The following FYB1 variants were observed in gnomAD, a reference collection of about 807,000 sequenced individuals.
The protein encoded by FYB1 is FYN-binding protein 1.
A neutral mutation model predicts 94.1 loss-of-function variants in FYB1; 41 were observed. The observed-to-expected ratio is 0.44, with a 90% CI of 0.34 to 0.57. The LOEUF is 0.57. FYB1 is among the 20% of genes least tolerant of loss of function. The probability of loss-of-function intolerance (pLI) is 0.02; values close to 1 mark genes in which losing one functional copy is unlikely to be tolerated. For synonymous variants in FYB1, 367 were observed against 353.2 expected (o/e 1.04, Z -0.44); for missense variants, 1,050 against 976.8 (o/e 1.07, Z -1.00).
chr5:39,255,830 C>G (rs78232617), intron 1 of FYB1, among the ~76,000 whole-genome samples: 31 of 152,248 alleles, frequency 2.0e-4, no homozygotes, highest in South Asian at 1.7e-3. Context: ...CCAATCCAGT[C>G]TCAGTGTGGA....
chr5:39,232,872 C>T (rs1018316779), intron 1 of FYB1, among the ~76,000 whole-genome samples: 13 of 152,122 alleles, frequency 8.5e-5, no homozygotes, highest in Admixed American at 2.6e-4. Flanking sequence ...CCAATTTCAT[C>T]CATGTCCCTA....
chr5:39,214,026 C>T (rs368263215), intron 1 of FYB1, among the ~76,000 whole-genome samples: 60 of 152,184 alleles, frequency 3.9e-4, no homozygotes, highest in African/African-American at 5.8e-4. Context: ...TAACATCTTT[C>T]GTTAGTTCAA....
At chr5:39,217,530 G>A (rs770049714) in intron 1 of FYB1, among the ~76,000 whole-genome samples, 9 of 152,166 alleles carry the variant, frequency 5.9e-5, no homozygotes, top group Non-Finnish European at 5.9e-5. Context: ...CAGGTGCTGT[G>A]CTAGGAGCTT....
At chr5:39,141,414 C>T (rs1033455740) in intron 3 of FYB1, among the ~76,000 whole-genome samples, 2 of 152,098 alleles carry the variant, frequency 1.3e-5, no homozygotes, top group African/African-American at 2.4e-5. Flanking sequence ...ATATGTTTCC[C>T]ATTATATTAG....
intron 2 of FYB1, among the ~76,000 whole-genome samples, chr5:39,157,922 C>T (rs1428044678): frequency 1.3e-5 from 2 of 152,126 alleles, no homozygotes; most frequent in African/African-American, 2.4e-5. Flanking sequence ...CACTGTTGTC[C>T]TGAGACAGAC....
intron 1 of FYB1, among the ~76,000 whole-genome samples, chr5:39,244,915 A>G (rs989863873): frequency 6.6e-5 from 10 of 152,116 alleles, no homozygotes; most frequent in Admixed American, 4.6e-4. Flanking sequence ...TAGGTTTTCT[A>G]GTTTATTTGC....
intron 14 of FYB1, 84 bp downstream of exon 14, chr5:39,122,252 A>T: frequency 3.5e-6 from 3 of 855,178 alleles, no homozygotes; most frequent in Non-Finnish European, 5.8e-6. Context: ...GTAGACACAC[A>T]TCCCACTGGG....
intron 3 of FYB1, among the ~76,000 whole-genome samples, chr5:39,152,263 C>T (rs1175317864): frequency 6.6e-6 from 1 of 152,140 alleles, no homozygotes; most frequent in East Asian, 1.9e-4. Context: ...TATCCTTAAA[C>T]CCCCAAGAAA....
At position 39,119,528 on chromosome 5, in the gene FYB1, G is replaced by A. The variant is rs1202593448; in HGVS notation, c.2238+7C>T. The A allele has an allele frequency of 1.3e-6, 2 of 1,516,184 alleles. No homozygotes were observed. The highest frequency in any genetic ancestry group is 5.0e-5 in the East Asian group (2 of 40,328). 93.9% of individuals were successfully genotyped at this position (1,516,184 alleles called of 1,614,324 possible). ...TGTACTTTGTATAATATTTAGATAT[G>A]ACATACTTTAAATTTTTTCCTGAAG... On this transcript the variant is annotated splice_region_variant and intron_variant, in intron 15 of 18. Coordinates refer to ENST00000512982, the MANE Select transcript of FYB1 (RefSeq NM_001465.6).
intron 2 of FYB1, among the ~76,000 whole-genome samples, chr5:39,166,659 G>A (rs1744767418): frequency 6.6e-6 from 1 of 152,058 alleles, no homozygotes; most frequent in South Asian, 2.1e-4. Context: ...GCAGTAACAT[G>A]GATGGAGGTA....
chr5:39,139,533 A>G (rs1446079764), intron 4 of FYB1: 1 of 193,600 alleles, frequency 5.2e-6, no homozygotes, highest in Non-Finnish European at 1.0e-5. Context: ...CTTTATGAAA[A>G]GGGATGTCCA....
At chr5:39,127,199 A>AATT (rs1368558588) in intron 11 of FYB1, among the ~76,000 whole-genome samples, 1 of 151,392 alleles carries the variant, frequency 6.6e-6, no homozygotes, top group Non-Finnish European at 1.5e-5. Flanking sequence ...ATGAACAGAT[A>AATT]ATTATTATTA....
chr5:39,261,618 G>A (rs760937769), intron 1 of FYB1, among the ~76,000 whole-genome samples: 4 of 152,022 alleles, frequency 2.6e-5, no homozygotes, highest in South Asian at 2.1e-4. Flanking sequence ...GTGGTGGTGC[G>A]TGCCTGTAAT....
intron 1 of FYB1, among the ~76,000 whole-genome samples, chr5:39,239,842 C>G (rs1373561351): frequency 6.6e-6 from 1 of 152,076 alleles, no homozygotes; most frequent in Non-Finnish European, 1.5e-5. Context: ...AAAAAGAGCC[C>G]AAATAGCCAA....
At chr5:39,169,670 C>T (rs1350837437) in intron 2 of FYB1, 1 of 442,764 alleles carries the variant, frequency 2.3e-6, no homozygotes, top group Admixed American at 2.8e-5. Flanking sequence ...CATGGTGAAA[C>T]TCTGTCTCTA....
chr5:39,153,298 C>T (rs1743417855), intron 3 of FYB1, 150 bp downstream of exon 3: 6 of 905,518 alleles, frequency 6.6e-6, no homozygotes, highest in Non-Finnish European at 1.1e-5. Flanking sequence ...TTGGCCAGCT[C>T]GGCCAGCTCA....
intron 14 of FYB1, 22 bp from the exon 15 acceptor site, chr5:39,119,656 A>G: frequency 6.8e-7 from 1 of 1,471,514 alleles, no homozygotes; most frequent in South Asian, 1.4e-5. Flanking sequence ...GAACACACAT[A>G]AAACAACACT....
At chr5:39,111,434 G>T (rs1739069611) in intron 16 of FYB1, among the ~76,000 whole-genome samples, 1 of 151,748 alleles carries the variant, frequency 6.6e-6, no homozygotes, top group African/African-American at 2.4e-5. Flanking sequence ...TAATATAAAT[G>T]ATAAACTTAC....
intron 18 of FYB1, 78 bp downstream of exon 18, chr5:39,108,152 CA>C (rs1738700170): frequency 3.0e-6 from 4 of 1,323,788 alleles, no homozygotes; most frequent in Non-Finnish European, 4.2e-6. Context: ...GTCTCTAATC[CA>C]ACAAGCTATT....
Sources: gnomAD v4.1 joint callset for allele counts (sites outside exome capture counted in the v4.1 genomes callset) on GRCh38, gnomAD v4.1.1 for gene constraint, MANE v1.5 for transcripts, NCBI Gene and HGNC (gene_info 2026-07-23, HGNC 2026-07-21) for gene names.